The following GRIA2 variants were observed in gnomAD, a reference collection of about 807,000 sequenced individuals.
GRIA2 encodes glutamate ionotropic receptor AMPA type subunit 2.
Under a neutral mutation model 97.3 loss-of-function variants are expected in GRIA2, and 14 were observed. The ratio of observed to expected loss-of-function variants is 0.14; its 90% confidence interval spans 0.10 to 0.23. GRIA2 has a LOEUF of 0.23. Among genes scored for constraint, GRIA2 ranks in the 10% least tolerant of loss-of-function variants. The pLI is 1.00. For missense variants in GRIA2, 558 were observed against 1,069.8 expected, an observed-to-expected ratio of 0.52 and a Z score of 6.67; for synonymous variants, 412 against 387.8, an observed-to-expected ratio of 1.06 and a Z score of -0.73.
chr4:157,273,913 A>G (rs1290256775), intron 2 of GRIA2, among the ~76,000 whole-genome samples: 1 of 152,082 alleles, frequency 6.6e-6, no homozygotes, highest in Non-Finnish European at 1.5e-5. Context: ...CCCCATACCT[A>G]TCTACATATT....
chr4:157,237,492 C>T (rs1354649945), intron 2 of GRIA2, among the ~76,000 whole-genome samples: 1 of 151,930 alleles, frequency 6.6e-6, no homozygotes, highest in Non-Finnish European at 1.5e-5. Flanking sequence ...GTGGACCGGG[C>T]TAGTCTCAAA....
At chr4:157,292,480 T>C (rs1320635956) in intron 2 of GRIA2, among the ~76,000 whole-genome samples, 2 of 152,000 alleles carry the variant, frequency 1.3e-5, no homozygotes, top group South Asian at 2.1e-4. Flanking sequence ...AAATCCTTGT[T>C]ACACAAGACA....
intron 2 of GRIA2, among the ~76,000 whole-genome samples, chr4:157,291,940 C>T (rs2126837790): frequency 6.6e-6 from 1 of 151,802 alleles, no homozygotes; most frequent in Admixed American, 6.6e-5. Flanking sequence ...AATCATCTGA[C>T]AGTAATATAA....
chr4:157,252,586 G>T (rs1407754270), intron 2 of GRIA2, among the ~76,000 whole-genome samples: 5 of 152,158 alleles, frequency 3.3e-5, no homozygotes, highest in East Asian at 3.9e-4. Flanking sequence ...TTTTGATATT[G>T]TATAATGAAT....
Position 157,298,728 on chromosome 4 carries a change from T to A in GRIA2, c.230-4824T>A, listed in dbSNP as rs1733475688. 4.0e-5 allele frequency among the ~76,000 whole-genome samples: 6 copies of A among 151,454 alleles called. No individual in the cohort carries two copies. In the Admixed American group the frequency reaches 4.0e-4, roughly 10 times the overall value. ...CAAAACATAGTAGATAAAATTCCGT[T>A]TTTTTCCTGAATCAGCTCACAATAC... On this transcript the variant is annotated intron_variant, in intron 2 of 15. Transcript: ENST00000264426.
intron 2 of GRIA2, among the ~76,000 whole-genome samples, chr4:157,289,377 A>G (rs1444082775): frequency 1.3e-5 from 2 of 151,874 alleles, no homozygotes; most frequent in Non-Finnish European, 2.9e-5. Context: ...TTTAAAAAAC[A>G]TGTTACAATT....
rs1221571937 is a variant in GRIA2, at chr4:157,356,040, T to C, written c.2044-3856T>C. 2.7e-5 allele frequency among the ~76,000 whole-genome samples: 3 copies of C among 111,162 alleles called. No individual in the cohort carries two copies. The South Asian group carries it at 7.5e-4, about 28-fold the overall frequency. The allele number at this position is 111,162 out of a possible 152,430, so 72.9% of individuals were successfully genotyped here. ...ATATATTTATATATTTATATTTATT[T>C]ATATATGTATTTATATATATTTATA... On this transcript the variant is annotated intron_variant, in intron 12 of 15. Transcript: ENST00000264426.
In GRIA2 at chr4:157,321,485, T is replaced by C; in HGVS notation, c.768T>C (p.Asn256=). ...TAAAAATCCAGTTTGGAGGTGCAAA[T>C]GTCTCTGGATTTCAGATAGTGGACT... The part of the protein sequence containing the change: ...DLLKIQFGGA[N]VSGFQIVDYD... The change falls in exon 6 of 16, where the codon AAT becomes AAC. Residue 256 remains asparagine (N), a synonymous_variant. Transcript: ENST00000264426. The C allele has an allele frequency of 6.2e-7, 1 of 1,609,922 alleles. No individual in the cohort carries two copies. Among genetic ancestry groups the C allele is most frequent in the Non-Finnish European group, 8.5e-7 (1 of 1,176,316 alleles).
chr4:157,237,448 C>T (rs1176679789), intron 2 of GRIA2, among the ~76,000 whole-genome samples: 1 of 152,046 alleles, frequency 6.6e-6, no homozygotes, highest in Non-Finnish European at 1.5e-5. Flanking sequence ...GCACATGCCA[C>T]TGCCTGGTTA....
intron 2 of GRIA2, among the ~76,000 whole-genome samples, chr4:157,254,023 CTT>C (rs879674487): frequency 1.4e-5 from 2 of 145,448 alleles, no homozygotes; most frequent in African/African-American, 5.0e-5. Context: ...CACATACTTT[CTT>C]TTTTTTTTTC....
intron 2 of GRIA2, among the ~76,000 whole-genome samples, chr4:157,255,725 A>C (rs1053915767): frequency 1.3e-5 from 2 of 151,980 alleles, no homozygotes; most frequent in African/African-American, 4.8e-5. Context: ...CAAACTATGC[A>C]TCCAGCAGGG....
At chr4:157,322,275 GTGTGTGTA>G (rs778957809) in intron 6 of GRIA2, among the ~76,000 whole-genome samples, 6 of 147,562 alleles carry the variant, frequency 4.1e-5, no homozygotes, top group Non-Finnish European at 7.6e-5. Flanking sequence ...GTGTGTGTGT[GTGTGTGTA>G]TAAAATAACA....
At chr4:157,314,372 A>C (rs1734220079) in intron 4 of GRIA2, among the ~76,000 whole-genome samples, 1 of 152,222 alleles carries the variant, frequency 6.6e-6, no homozygotes, top group Non-Finnish European at 1.5e-5. Context: ...CTTTCATGGA[A>C]TATTGAATAA....
intron 4 of GRIA2, among the ~76,000 whole-genome samples, chr4:157,314,910 T>TCTG (rs1172702822): frequency 6.6e-6 from 1 of 152,192 alleles, no homozygotes; most frequent in East Asian, 1.9e-4. Context: ...AAGAGTGATG[T>TCTG]CTGCATCCCA....
rs138262729 is a variant in GRIA2 at position 157,303,712 on chromosome 4, C to G, written c.390C>G (p.Pro130=). The part of the protein sequence containing the change: ...GTHPFVIQMR[P]DLKGALLSLI... ...ATCCATTTGTCATTCAGATGAGACC[C>G]GACCTCAAAGGAGCTCTCCTTAGCT... Residue 130 remains proline (P), a synonymous_variant, in exon 3 of 16, where the codon CCC becomes CCG. Transcript: ENST00000264426. 491 of 1,613,802 alleles carry G rather than the reference C, an allele frequency of 3.0e-4. No homozygotes were observed. The highest frequency in any genetic ancestry group is 4.0e-4 in the Non-Finnish European group (467 of 1,179,858).
At chr4:157,278,792 TA>T (rs34466779) in intron 2 of GRIA2, among the ~76,000 whole-genome samples, 67,438 of 151,024 alleles carry the variant, frequency 0.45, 18,407 homozygotes, top group African/African-American at 0.78. Flanking sequence ...ATAACCTGAA[TA>T]AAAAAAAATA....
intron 2 of GRIA2, among the ~76,000 whole-genome samples, chr4:157,287,533 T>C (rs1732899636): frequency 6.6e-6 from 1 of 151,678 alleles, no homozygotes; most frequent in African/African-American, 2.4e-5. Flanking sequence ...TGTGTTTATT[T>C]GCTTTTGCTT....
At chr4:157,352,994 A>C (rs1736082808) in intron 12 of GRIA2, among the ~76,000 whole-genome samples, 1 of 150,164 alleles carries the variant, frequency 6.7e-6, no homozygotes, top group Non-Finnish European at 1.5e-5. Context: ...GGAGGCGGAG[A>C]TTACAGTGAG....
At chr4:157,304,590 G>A (rs1213074538) in intron 3 of GRIA2, among the ~76,000 whole-genome samples, 1 of 152,086 alleles carries the variant, frequency 6.6e-6, no homozygotes, top group African/African-American at 2.4e-5. Flanking sequence ...GTGTGTGTGT[G>A]TTCATATGGA....
Sources: allele counts gnomAD v4.1 joint callset (sites outside exome capture counted in the v4.1 genomes callset), GRCh38; gene constraint gnomAD v4.1.1; transcripts MANE v1.5; gene names NCBI Gene and HGNC (gene_info 2026-07-23, HGNC 2026-07-21).